Variants in SPECC1L observed in about 807,000 individuals in gnomAD.
SPECC1L encodes the protein cytospin-A.
A neutral mutation model predicts 116.8 loss-of-function variants in SPECC1L; 40 were observed. The observed-to-expected ratio is 0.34, with a 90% confidence interval of 0.27 to 0.45. The LOEUF (loss-of-function observed/expected upper bound fraction) is 0.45, where lower values mean the gene tolerates loss of function less well. Among genes scored for constraint, SPECC1L ranks in the 20% least tolerant of loss-of-function variants. The pLI is 1.00. For synonymous variants in SPECC1L, 504 were observed against 500.6 expected (o/e 1.01, Z -0.09); for missense variants, 1,110 against 1,373.6 (o/e 0.81, Z 3.03).
rs73167593 is a variant in SPECC1L, at chr22:24,370,989, A to C, written c.3087+1669A>C. Among the ~76,000 whole-genome samples the C allele has an allele frequency of 6.5e-3, 983 of 152,296 alleles. 7 individuals are homozygous for C. The highest frequency in any genetic ancestry group is 0.01 in the Non-Finnish European group (691 of 68,020). ...AAAATGAAAAAAGTACTGGAGATGG[A>C]TGGTGGTGATGGTAGCACAATCATA... On this transcript the variant is annotated intron_variant, in intron 14 of 16. Transcript: ENST00000314328.
In SPECC1L at chr22:24,324,235, C is replaced by T. The variant is rs1292330880; in HGVS notation, c.1954C>T (p.Arg652Ter). ...TTTTACGTAGGTAGAGGATGAATAC[C>T]GAGCCTTCCAAGAAGAAGCTAAGAA... ...DAIAKVEDEY[R>*]AFQEEAKKQI... The change falls in exon 6 of 17, where the codon CGA becomes TGA. Residue 652 changes from arginine (R) to a stop codon, truncating the protein, a stop_gained. Coordinates refer to ENST00000314328, the MANE Select transcript of SPECC1L (RefSeq NM_015330.6). LOFTEE classifies it high-confidence loss of function. 1.2e-6 allele frequency: 2 copies of T among 1,613,664 alleles called. No homozygotes were observed. Among genetic ancestry groups the T allele is most frequent in the Non-Finnish European group, 1.7e-6 (2 of 1,179,826 alleles).
chr22:24,395,883 T>C (rs867884193), intron 14 of SPECC1L, among the ~76,000 whole-genome samples: 5 of 152,232 alleles, frequency 3.3e-5, no homozygotes, highest in South Asian at 2.1e-4. Context: ...TCAAGCAGTC[T>C]ATAGTTTGAG....
chr22:24,330,899 T>G (rs1433886950), intron 8 of SPECC1L, among the ~76,000 whole-genome samples: 1 of 152,214 alleles, frequency 6.6e-6, no homozygotes, highest in Non-Finnish European at 1.5e-5. Context: ...AGTGTTGTCA[T>G]AAGGATTAAA....
intron 2 of SPECC1L, among the ~76,000 whole-genome samples, chr22:24,284,134 T>C (rs1308504583): frequency 6.6e-6 from 1 of 152,296 alleles, no homozygotes; most frequent in East Asian, 1.9e-4. Flanking sequence ...GTTTCATTGC[T>C]CTTCTTTTTC....
intron 14 of SPECC1L, among the ~76,000 whole-genome samples, chr22:24,386,059 T>C (rs1423371869): frequency 6.6e-6 from 1 of 151,770 alleles, no homozygotes; most frequent in Non-Finnish European, 1.5e-5. Flanking sequence ...AAATGTGATC[T>C]AATCAAAGTA....
intron 6 of SPECC1L, among the ~76,000 whole-genome samples, chr22:24,327,050 C>T (rs1345398813): frequency 3.3e-5 from 5 of 151,748 alleles, no homozygotes; most frequent in African/African-American, 7.3e-5. Context: ...GAGGCCGAGG[C>T]GGGTGGATCA....
intron 3 of SPECC1L, among the ~76,000 whole-genome samples, chr22:24,306,409 C>T (rs940298960): frequency 2.0e-5 from 3 of 147,264 alleles, no homozygotes; most frequent in African/African-American, 5.0e-5. Context: ...TGGAGTCTTA[C>T]TCTGTTGCCT....
At chr22:24,291,918 A>C (rs554054166) in intron 2 of SPECC1L, among the ~76,000 whole-genome samples, 9 of 152,344 alleles carry the variant, frequency 5.9e-5, no homozygotes, top group Admixed American at 4.6e-4. Flanking sequence ...GAGAATTATT[A>C]ATTAAATAGG....
chr22:24,368,899 A>C (rs1172466384), intron 13 of SPECC1L, among the ~76,000 whole-genome samples: 6 of 152,210 alleles, frequency 3.9e-5, no homozygotes, highest in Non-Finnish European at 8.8e-5. Flanking sequence ...TCTCTGCCTC[A>C]GGCTCCCAAA....
intron 14 of SPECC1L, among the ~76,000 whole-genome samples, chr22:24,387,964 C>A (rs1429052355): frequency 6.6e-6 from 1 of 152,184 alleles, no homozygotes; most frequent in Non-Finnish European, 1.5e-5. Flanking sequence ...AACAACTGGT[C>A]AAGTTGTCAC....
chr22:24,402,747 G>A (rs918299897), intron 14 of SPECC1L, among the ~76,000 whole-genome samples: 2 of 152,198 alleles, frequency 1.3e-5, no homozygotes, highest in East Asian at 1.9e-4. Flanking sequence ...TTCTTGCCCT[G>A]TGTCCATAAA....
chr22:24,318,188 G>T (rs975781049), intron 4 of SPECC1L, among the ~76,000 whole-genome samples: 1 of 152,216 alleles, frequency 6.6e-6, no homozygotes, highest in Non-Finnish European at 1.5e-5. Flanking sequence ...GGTGGATGTT[G>T]TAGCAAGTCG....
intron 14 of SPECC1L, among the ~76,000 whole-genome samples, chr22:24,398,678 T>C (rs1213956752): frequency 6.6e-6 from 1 of 152,196 alleles, no homozygotes; most frequent in African/African-American, 2.4e-5. Flanking sequence ...TTCATCTCTC[T>C]GAGCCTGAAG....
intron 3 of SPECC1L, among the ~76,000 whole-genome samples, chr22:24,312,279 C>T (rs967556625): frequency 7.9e-5 from 12 of 152,166 alleles, no homozygotes; most frequent in Non-Finnish European, 1.8e-4. Context: ...TTTTCTGCCT[C>T]TTTTTAACCT....
chr22:24,304,337 C>G (rs1427341377), intron 3 of SPECC1L: 1 of 152,184 alleles, frequency 6.6e-6, no homozygotes, highest in East Asian at 1.9e-4. Context: ...CCTCTCATTT[C>G]AAGTATTGTT....
At chr22:24,329,487 A>C (rs545193379) in intron 7 of SPECC1L, among the ~76,000 whole-genome samples, 57 of 152,356 alleles carry the variant, frequency 3.7e-4, no homozygotes, top group African/African-American at 1.3e-3. Flanking sequence ...GCCAACAGCA[A>C]TGCAGCCATG....
intron 14 of SPECC1L, among the ~76,000 whole-genome samples, chr22:24,380,028 G>A (rs1238501701): frequency 1.3e-5 from 2 of 152,062 alleles, no homozygotes; most frequent in African/African-American, 2.4e-5. Context: ...CTGCCACCCC[G>A]CCCAGCTAAT....
chr22:24,337,676 C>T (rs2041088096), intron 9 of SPECC1L, among the ~76,000 whole-genome samples: 1 of 152,022 alleles, frequency 6.6e-6, no homozygotes, highest in African/African-American at 2.4e-5. Flanking sequence ...TAAAAAAGTC[C>T]ACAGTGGTCT....
chr22:24,354,042 A>G (rs1277240509), intron 11 of SPECC1L, among the ~76,000 whole-genome samples: 1 of 152,198 alleles, frequency 6.6e-6, no homozygotes, highest in Non-Finnish European at 1.5e-5. Context: ...TGGAAGGCAA[A>G]TCAATAGCAG....
Sources: gnomAD v4.1 joint callset for allele counts (sites outside exome capture counted in the v4.1 genomes callset) on GRCh38, gnomAD v4.1.1 for gene constraint, MANE v1.5 for transcripts, NCBI Gene and HGNC (gene_info 2026-07-23, HGNC 2026-07-21) for gene names.